Variants in RSRC1 observed in about 807,000 individuals in gnomAD.
RSRC1 encodes the protein serine/Arginine-related protein 53.
Under a neutral mutation model 49.1 loss-of-function variants are expected in RSRC1, and 39 were observed. That is an observed-to-expected ratio of 0.79 (90% CI 0.61 to 1.04). The LOEUF is 1.04. RSRC1 is among the 50% of genes least tolerant of loss of function. RSRC1 has a pLI of 0.00. For missense variants in RSRC1, 388 were observed against 402.4 expected (o/e 0.96, Z 0.31); for synonymous variants, 143 against 130.8 (o/e 1.09, Z -0.63).
intron 3 of RSRC1, among the ~76,000 whole-genome samples, chr3:158,147,082 T>C (rs1238183008): frequency 6.7e-6 from 1 of 150,136 alleles, no homozygotes; most frequent in Non-Finnish European, 1.5e-5. Context: ...TTCTTCCTTT[T>C]CTTTCTTCTG....
intron 4 of RSRC1, among the ~76,000 whole-genome samples, chr3:158,257,018 C>A (rs1724603298): frequency 6.6e-6 from 1 of 152,124 alleles, no homozygotes; most frequent in Admixed American, 6.5e-5. Context: ...TCTCAAAAAA[C>A]CAGCTCCTGG....
chr3:158,127,524 T>G (rs1197385757), intron 3 of RSRC1, among the ~76,000 whole-genome samples: 1 of 152,058 alleles, frequency 6.6e-6, no homozygotes, highest in Non-Finnish European at 1.5e-5. Flanking sequence ...TTTTTGCTTT[T>G]TTTTTATGTA....
intron 4 of RSRC1, among the ~76,000 whole-genome samples, chr3:158,254,649 TTCTTGA>T (rs1724427843): frequency 6.6e-6 from 1 of 152,042 alleles, no homozygotes. Context: ...ACCCAGGGTG[TTCTTGA>T]TCTTCTGATC....
chr3:158,152,130 G>A (rs1034560135), intron 3 of RSRC1, among the ~76,000 whole-genome samples: 1 of 151,864 alleles, frequency 6.6e-6, no homozygotes, highest in African/African-American at 2.4e-5. Flanking sequence ...GTATAAAGTA[G>A]GAGTTGGAAG....
chr3:158,480,471 A>G (rs1738563471), intron 7 of RSRC1, among the ~76,000 whole-genome samples: 1 of 151,948 alleles, frequency 6.6e-6, no homozygotes, highest in Non-Finnish European at 1.5e-5. Context: ...AAAACTTTTT[A>G]CTTTTGGTTA....
intron 5 of RSRC1, among the ~76,000 whole-genome samples, chr3:158,325,397 A>G (rs1409724315): frequency 6.6e-6 from 1 of 152,166 alleles, no homozygotes; most frequent in African/African-American, 2.4e-5. Flanking sequence ...TCTTGAATTA[A>G]TTTTTGTATA....
chr3:158,192,121 T>A (rs1720277173), intron 3 of RSRC1, among the ~76,000 whole-genome samples: 1 of 152,052 alleles, frequency 6.6e-6, no homozygotes. Context: ...TAAGCATGAT[T>A]AAGAGGCATA....
At chr3:158,509,277 G>A (rs1173971782) in intron 7 of RSRC1, among the ~76,000 whole-genome samples, 6 of 152,086 alleles carry the variant, frequency 3.9e-5, no homozygotes, top group Middle Eastern at 3.2e-3. Context: ...TTTTTATTAA[G>A]TATGACATAC....
At chr3:158,216,589 T>C (rs1721959034) in intron 4 of RSRC1, among the ~76,000 whole-genome samples, 3 of 151,842 alleles carry the variant, frequency 2.0e-5, no homozygotes, top group African/African-American at 7.2e-5. Flanking sequence ...TTTCAGCAGT[T>C]AAATTGCTAA....
At chr3:158,250,458 C>T (rs1380030342) in intron 4 of RSRC1, among the ~76,000 whole-genome samples, 5 of 152,176 alleles carry the variant, frequency 3.3e-5, no homozygotes, top group Admixed American at 2.6e-4. Flanking sequence ...CCCTTTTCTT[C>T]ACATACTCAC....
chr3:158,479,188 A>G (rs1434320966), intron 7 of RSRC1, among the ~76,000 whole-genome samples: 2 of 150,402 alleles, frequency 1.3e-5, no homozygotes, highest in Non-Finnish European at 3.0e-5. Context: ...TATCTTGAGT[A>G]TGCTTTTAAT....
intron 3 of RSRC1, among the ~76,000 whole-genome samples, chr3:158,158,682 G>A (rs1718026890): frequency 6.6e-6 from 1 of 152,136 alleles, no homozygotes; most frequent in South Asian, 2.1e-4. Context: ...GCTCATGCCT[G>A]TAATCCCAGC....
chr3:158,136,207 C>A (rs896627056), intron 3 of RSRC1, among the ~76,000 whole-genome samples: 1 of 152,158 alleles, frequency 6.6e-6, no homozygotes, highest in African/African-American at 2.4e-5. Context: ...GTATTATGCT[C>A]ATTCTAGTTC....
At chr3:158,164,317 A>C (rs1396407163) in intron 3 of RSRC1, among the ~76,000 whole-genome samples, 2 of 152,040 alleles carry the variant, frequency 1.3e-5, no homozygotes, top group Non-Finnish European at 1.5e-5. Flanking sequence ...TACACTGATA[A>C]CTGTTCTTTT....
chr3:158,372,628 T>C (rs1406841466), intron 6 of RSRC1, among the ~76,000 whole-genome samples: 1 of 151,948 alleles, frequency 6.6e-6, no homozygotes, highest in African/African-American at 2.4e-5. Context: ...CTCTTCTAAT[T>C]CTTTTCCATT....
intron 7 of RSRC1, among the ~76,000 whole-genome samples, chr3:158,513,950 G>T (rs1362719353): frequency 6.6e-6 from 1 of 152,050 alleles, no homozygotes; most frequent in African/African-American, 2.4e-5. Context: ...TATTTCTGTG[G>T]GATCGGTGGT....
intron 7 of RSRC1, among the ~76,000 whole-genome samples, chr3:158,484,502 G>A (rs748104053): frequency 9.2e-5 from 14 of 152,016 alleles, no homozygotes; most frequent in African/African-American, 1.7e-4. Context: ...CCATTGTGAG[G>A]ATTTGCTGGT....
chr3:158,253,006 A>G (rs531710375), intron 4 of RSRC1, among the ~76,000 whole-genome samples: 2 of 150,286 alleles, frequency 1.3e-5, no homozygotes, highest in South Asian at 2.1e-4. Context: ...GGTTTTCTTA[A>G]TTTTCTTTCT....
intron 4 of RSRC1, among the ~76,000 whole-genome samples, chr3:158,290,417 C>T (rs879429152): frequency 7.9e-5 from 12 of 152,032 alleles, no homozygotes; most frequent in African/African-American, 1.7e-4. Context: ...GGACTACAGG[C>T]GCCCGCCACC....
Sources: gnomAD v4.1 joint callset for allele counts (sites outside exome capture counted in the v4.1 genomes callset) on GRCh38, gnomAD v4.1.1 for gene constraint, MANE v1.5 for transcripts, NCBI Gene and HGNC (gene_info 2026-07-23, HGNC 2026-07-21) for gene names.